SLC25A13: variants seen among roughly 807,000 people sequenced by gnomAD.
The protein encoded by SLC25A13 is electrogenic aspartate/glutamate antiporter SLC25A13, mitochondrial.
A neutral mutation model predicts 85.5 loss-of-function variants in SLC25A13; 70 were observed. The observed-to-expected ratio is 0.82, with a 90% CI of 0.68 to 1.00. SLC25A13 has a LOEUF of 1.00. SLC25A13 is among the 50% of genes least tolerant of loss of function. The probability of loss-of-function intolerance (pLI) is 0.00; values close to 1 mark genes in which losing one functional copy is unlikely to be tolerated. For missense variants in SLC25A13, 765 were observed against 819.8 expected (o/e 0.93, Z 0.82); for synonymous variants, 259 against 288.7 (o/e 0.90, Z 1.04).
Position 96,296,862 on chromosome 7 carries a change from T to C in SLC25A13, c.69+36A>G, listed in dbSNP as rs73405031. The C allele has an allele frequency of 1.9e-3, 2,990 of 1,566,550 alleles. 54 individuals carry two copies. In the African/African-American group the frequency reaches 0.033, roughly 17 times the overall value. On this transcript the variant is annotated intron_variant, in intron 2 of 17. Coordinates refer to ENST00000265631, the MANE Select transcript of SLC25A13 (RefSeq NM_014251.3). Reference sequence around the variant, plus strand: ...ATATTTAAAAGTTATAGAACACAAATCAAACAAGAAACAAAATAGATTCCT... The same window carrying C: ...ATATTTAAAAGTTATAGAACACAAACCAAACAAGAAACAAAATAGATTCCT...
intron 14 of SLC25A13, among the ~76,000 whole-genome samples, chr7:96,133,309 T>A (rs149376581): frequency 8.0e-4 from 122 of 152,288 alleles, no homozygotes; most frequent in African/African-American, 2.8e-3. Context: ...AAGTGTTAGA[T>A]GTCTAATTAA....
chr7:96,268,571 T>A (rs1798120087), intron 3 of SLC25A13, among the ~76,000 whole-genome samples: 1 of 152,094 alleles, frequency 6.6e-6, no homozygotes, highest in African/African-American at 2.4e-5. Flanking sequence ...CTTCATAAAT[T>A]GATTAAATCC....
chr7:96,131,928 T>C (rs756985499), intron 14 of SLC25A13, 47 bp from the exon 15 acceptor site: 31 of 1,612,840 alleles, frequency 1.9e-5, no homozygotes, highest in Admixed American at 1.3e-4. Flanking sequence ...ACATATCCCA[T>C]TGAGGAGATC....
intron 15 of SLC25A13, among the ~76,000 whole-genome samples, chr7:96,131,440 T>C (rs1792026955): frequency 6.6e-6 from 1 of 152,228 alleles, no homozygotes; most frequent in South Asian, 2.1e-4. Context: ...GTTATTCTTA[T>C]GCTGTGAAGT....
Position 96,229,095 on chromosome 7 carries a change from G to T in SLC25A13, c.328+5707C>A, listed in dbSNP as rs1443260549. Among the ~76,000 whole-genome samples the T allele has an allele frequency of 2.6e-5, 4 of 152,346 alleles. No individual in the cohort carries two copies. In the East Asian group the frequency reaches 7.7e-4, roughly 29 times the overall value. ...ACCACCCAAGGGCTGAGGAGTGCAG[G>T]CGCATGGCGTGGGACTGATGGGCAG... On this transcript the variant is annotated intron_variant, in intron 4 of 17. Coordinates refer to ENST00000265631, the MANE Select transcript of SLC25A13 (RefSeq NM_014251.3).
chr7:96,179,856 C>G (rs903085789), intron 11 of SLC25A13, among the ~76,000 whole-genome samples: 2 of 152,022 alleles, frequency 1.3e-5, no homozygotes, highest in Admixed American at 1.3e-4. Context: ...ATTTTGGTGC[C>G]AGAATTTTAA....
At chr7:96,154,578 T>C (rs1793180527) in intron 13 of SLC25A13, among the ~76,000 whole-genome samples, 2 of 152,270 alleles carry the variant, frequency 1.3e-5, no homozygotes, top group Middle Eastern at 6.8e-3. Flanking sequence ...ATTACAGGCG[T>C]GAGCCACTGC....
chr7:96,140,946 A>G (rs532577046), intron 14 of SLC25A13, among the ~76,000 whole-genome samples: 111 of 151,330 alleles, frequency 7.3e-4, no homozygotes, highest in African/African-American at 2.5e-3. Context: ...CATTTTTAAA[A>G]TCAGCTTCTT....
chr7:96,168,503 A>G (rs1332850194), intron 13 of SLC25A13, among the ~76,000 whole-genome samples: 1 of 152,194 alleles, frequency 6.6e-6, no homozygotes, highest in Non-Finnish European at 1.5e-5. Context: ...GGGCGGCCGC[A>G]TATGCAAAAA....
chr7:96,149,922 G>A (rs934905395), intron 13 of SLC25A13, among the ~76,000 whole-genome samples: 6 of 152,116 alleles, frequency 3.9e-5, no homozygotes, highest in Non-Finnish European at 2.9e-5. Context: ...ATGTCTTTGC[G>A]TCCCTCATCA....
chr7:96,169,464 G>A (rs751699334), intron 13 of SLC25A13, among the ~76,000 whole-genome samples: 2 of 151,892 alleles, frequency 1.3e-5, no homozygotes, highest in South Asian at 4.2e-4. Context: ...GAGATAAAAC[G>A]AGACACAATG....
chr7:96,268,556 C>T (rs114869475), intron 3 of SLC25A13, among the ~76,000 whole-genome samples: 97 of 152,196 alleles, frequency 6.4e-4, no homozygotes, highest in African/African-American at 2.1e-3. Context: ...ATCTCCCTTA[C>T]GGAACTTCAT....
chr7:96,312,358 G>T (rs1219928147), intron 1 of SLC25A13, among the ~76,000 whole-genome samples: 1 of 152,144 alleles, frequency 6.6e-6, no homozygotes, highest in African/African-American at 2.4e-5. Flanking sequence ...TAAAGTGCTT[G>T]GAACAGTGTC....
At chr7:96,188,728 T>TA (rs1794728937) in intron 9 of SLC25A13, among the ~76,000 whole-genome samples, 1 of 152,234 alleles carries the variant, frequency 6.6e-6, no homozygotes, top group Admixed American at 6.5e-5. Flanking sequence ...CTGTTAACCA[T>TA]AAAATAAAAT....
intron 3 of SLC25A13, among the ~76,000 whole-genome samples, chr7:96,242,878 A>G (rs2116842282): frequency 6.6e-6 from 1 of 152,360 alleles, no homozygotes; most frequent in South Asian, 2.1e-4. Context: ...CCTTGGGCAC[A>G]TGTTCTCAGG....
At chr7:96,313,987 G>C (rs1800041101) in intron 1 of SLC25A13, among the ~76,000 whole-genome samples, 1 of 152,108 alleles carries the variant, frequency 6.6e-6, no homozygotes, top group African/African-American at 2.4e-5. Flanking sequence ...ATTCTGTTTT[G>C]AAGATTAGGG....
intron 1 of SLC25A13, among the ~76,000 whole-genome samples, 180 bp downstream of exon 1, chr7:96,321,762 C>A (rs1413706505): frequency 6.6e-6 from 1 of 152,214 alleles, no homozygotes; most frequent in East Asian, 1.9e-4. Context: ...CTGCACCGAC[C>A]GCCTGTGCTG....
At chr7:96,139,061 C>A (rs961530691) in intron 14 of SLC25A13, among the ~76,000 whole-genome samples, 7 of 152,148 alleles carry the variant, frequency 4.6e-5, no homozygotes, top group Non-Finnish European at 8.8e-5. Context: ...AAGTTGATAA[C>A]AACTAACACA....
At chr7:96,256,172 G>A (rs556779410) in intron 3 of SLC25A13, among the ~76,000 whole-genome samples, 7 of 152,154 alleles carry the variant, frequency 4.6e-5, no homozygotes, top group South Asian at 2.1e-4. Context: ...ATCAACTAAT[G>A]GGCAAAATAA....
Sources: allele counts gnomAD v4.1 joint callset (sites outside exome capture counted in the v4.1 genomes callset), GRCh38; gene constraint gnomAD v4.1.1; transcripts MANE v1.5; gene names NCBI Gene and HGNC (gene_info 2026-07-23, HGNC 2026-07-21).